The following PRDM5 variants were observed in gnomAD, a reference collection of about 807,000 sequenced individuals.
PRDM5 encodes the protein PR domain zinc finger protein 5.
In PRDM5, 56 loss-of-function variants were observed where a neutral mutation model predicts 81.2. That is an observed-to-expected ratio of 0.69 (90% CI 0.56 to 0.86). The LOEUF is 0.86. Ranked by LOEUF, PRDM5 falls within the 40% of genes least tolerant of loss-of-function variation. The probability of loss-of-function intolerance (pLI) is 0.00; values close to 1 mark genes in which losing one functional copy is unlikely to be tolerated. For synonymous variants in PRDM5, 267 were observed against 256.4 expected (o/e 1.04, Z -0.39); for missense variants, 697 against 770.1 (o/e 0.91, Z 1.12).
intron 15 of PRDM5, among the ~76,000 whole-genome samples, chr4:120,703,964 TCAGA>T (rs1484215119): frequency 6.6e-6 from 1 of 152,170 alleles, no homozygotes; most frequent in Non-Finnish European, 1.5e-5. Flanking sequence ...AGAAAGGTTC[TCAGA>T]CAGTTCAGCT....
intron 14 of PRDM5, among the ~76,000 whole-genome samples, chr4:120,753,737 A>C (rs1277406957): frequency 6.6e-6 from 1 of 152,216 alleles, no homozygotes; most frequent in Non-Finnish European, 1.5e-5. Flanking sequence ...CATACAGACC[A>C]TACGCACTTT....
intron 8 of PRDM5, among the ~76,000 whole-genome samples, chr4:120,800,390 G>A (rs139073227): frequency 3.9e-5 from 6 of 152,068 alleles, no homozygotes; most frequent in Non-Finnish European, 8.8e-5. Flanking sequence ...GATGACATAC[G>A]TCTGTGGTCC....
chr4:120,816,342 G>A (rs1321993486), intron 7 of PRDM5, 111 bp downstream of exon 7: 2 of 1,568,254 alleles, frequency 1.3e-6, no homozygotes, highest in South Asian at 2.2e-5. Flanking sequence ...ACATCTGTGT[G>A]AAACACAATG....
intron 13 of PRDM5, among the ~76,000 whole-genome samples, chr4:120,771,117 C>A (rs1353631039): frequency 1.3e-5 from 2 of 151,908 alleles, no homozygotes; most frequent in African/African-American, 4.8e-5. Context: ...ATTATGAGTT[C>A]TTTTAATGTT....
chr4:120,860,242 C>A (rs1760409880), intron 2 of PRDM5, among the ~76,000 whole-genome samples: 1 of 152,166 alleles, frequency 6.6e-6, no homozygotes, highest in Non-Finnish European at 1.5e-5. Flanking sequence ...ATTTTATTAA[C>A]TAAAAGCTCA....
intron 2 of PRDM5, among the ~76,000 whole-genome samples, chr4:120,862,939 G>A (rs1034164137): frequency 3.3e-5 from 5 of 151,510 alleles, no homozygotes; most frequent in African/African-American, 7.3e-5. Context: ...AGGGTGACTC[G>A]CTTGAGCCCA....
chr4:120,754,086 A>C (rs182206601), intron 14 of PRDM5, among the ~76,000 whole-genome samples: 1 of 152,292 alleles, frequency 6.6e-6, no homozygotes, highest in East Asian at 1.9e-4. Flanking sequence ...TGAAGCACTG[A>C]GCTACACTTC....
intron 3 of PRDM5, chr4:120,837,872 C>CCT (rs1757541560): frequency 6.6e-6 from 1 of 152,048 alleles, no homozygotes; most frequent in African/African-American, 2.4e-5. Flanking sequence ...GTGTATACAG[C>CCT]CATATCTCAA....
chr4:120,839,490 C>T (rs1412009559), intron 3 of PRDM5, among the ~76,000 whole-genome samples: 1 of 152,182 alleles, frequency 6.6e-6, no homozygotes, highest in Non-Finnish European at 1.5e-5. Context: ...GAGAGGGTAG[C>T]TCCTCTCTGC....
intron 5 of PRDM5, among the ~76,000 whole-genome samples, 174 bp from the exon 6 acceptor site, chr4:120,817,098 T>C (rs1754624515): frequency 6.6e-6 from 1 of 152,174 alleles, no homozygotes; most frequent in Non-Finnish European, 1.5e-5. Context: ...CTCAGCAGTG[T>C]CTTTTGTATA....
chr4:120,862,932 G>A (rs188702634), intron 2 of PRDM5, among the ~76,000 whole-genome samples: 8 of 151,764 alleles, frequency 5.3e-5, no homozygotes, highest in Non-Finnish European at 1.5e-5. Context: ...GCCAAGGAGG[G>A]TGACTCGCTT....
At chr4:120,783,796 CT>C (rs34237698) in intron 11 of PRDM5, among the ~76,000 whole-genome samples, 8 of 151,960 alleles carry the variant, frequency 5.3e-5, no homozygotes, top group Non-Finnish European at 7.4e-5. Context: ...ATAACACTGC[CT>C]TTTTTTACAG....
chr4:120,841,274 T>G (rs1486928399), intron 3 of PRDM5, among the ~76,000 whole-genome samples: 2 of 152,226 alleles, frequency 1.3e-5, no homozygotes, highest in East Asian at 3.8e-4. Flanking sequence ...AAGTACAAGG[T>G]AATTTTTATA....
At chr4:120,823,870 G>A (rs1755613726) in intron 3 of PRDM5, among the ~76,000 whole-genome samples, 1 of 152,158 alleles carries the variant, frequency 6.6e-6, no homozygotes, top group Non-Finnish European at 1.5e-5. Context: ...TGGGTCATGG[G>A]GACAGACCTC....
intron 14 of PRDM5, among the ~76,000 whole-genome samples, chr4:120,749,094 C>T (rs1384201526): frequency 6.6e-6 from 1 of 152,000 alleles, no homozygotes; most frequent in Non-Finnish European, 1.5e-5. Context: ...AACATCACCC[C>T]CAACTTAATA....
intron 2 of PRDM5, among the ~76,000 whole-genome samples, chr4:120,867,413 T>C (rs1464327338): frequency 1.3e-5 from 2 of 152,220 alleles, no homozygotes; most frequent in African/African-American, 2.4e-5. Context: ...TCATCAGTTT[T>C]CTCCAAATCT....
At chr4:120,792,048 T>C (rs78687931) in intron 10 of PRDM5, among the ~76,000 whole-genome samples, 30,307 of 152,180 alleles carry the variant, frequency 0.2, 3,675 homozygotes, top group Non-Finnish European at 0.28. Context: ...TATTTTGTTA[T>C]AGCAGCTTAA....
chr4:120,717,269 A>G (rs1318602396), intron 14 of PRDM5, among the ~76,000 whole-genome samples: 1 of 152,160 alleles, frequency 6.6e-6, no homozygotes, highest in East Asian at 1.9e-4. Flanking sequence ...TACTAAATGG[A>G]GGCAATGTAT....
chr4:120,781,026 T>C, intron 12 of PRDM5, 117 bp downstream of exon 12: 1 of 922,898 alleles, frequency 1.1e-6, no homozygotes, highest in Non-Finnish European at 1.6e-6. Context: ...CATGCATTTG[T>C]CATTTTGAGT....
Sources: gnomAD v4.1 joint callset for allele counts (sites outside exome capture counted in the v4.1 genomes callset) on GRCh38, gnomAD v4.1.1 for gene constraint, MANE v1.5 for transcripts, NCBI Gene and HGNC (gene_info 2026-07-23, HGNC 2026-07-21) for gene names.